Variants in PABPC4L observed in about 807,000 individuals in gnomAD.
PABPC4L encodes polyadenylate-binding protein 4-like.
For missense variants in PABPC4L, 452 were observed against 451.4 expected (o/e 1.00, Z -0.01); for synonymous variants, 169 against 164.1 (o/e 1.03, Z -0.23).
At chr4:134,186,873 G>C in the PABPC4L span, among the ~76,000 whole-genome samples, 2 of 152,052 alleles carry the variant, frequency 1.3e-5, no homozygotes, top group African/African-American at 4.8e-5. Flanking sequence ...CCATCAAAAA[G>C]TGGGCAAAGG....
At chr4:133,986,060 T>G in the PABPC4L span, among the ~76,000 whole-genome samples, 1 of 152,074 alleles carries the variant, frequency 6.6e-6, no homozygotes, top group East Asian at 1.9e-4. Flanking sequence ...TTATTAAATA[T>G]TTATTAGTCA....
the PABPC4L span, among the ~76,000 whole-genome samples, chr4:134,076,277 G>C: frequency 1.3e-5 from 2 of 152,268 alleles, no homozygotes; most frequent in Admixed American, 6.5e-5. Context: ...TTAGAAGAGA[G>C]GCTGGGTTAA....
At chr4:134,035,313 A>G in the PABPC4L span, among the ~76,000 whole-genome samples, 3 of 152,040 alleles carry the variant, frequency 2.0e-5, no homozygotes, top group African/African-American at 7.2e-5. Flanking sequence ...TATTAAATTT[A>G]TTGTGGTGGT....
the PABPC4L span, among the ~76,000 whole-genome samples, chr4:134,077,832 T>C: frequency 6.6e-6 from 1 of 152,186 alleles, no homozygotes; most frequent in Admixed American, 6.6e-5. Flanking sequence ...TTTCATCATG[T>C]TTGCAATTAT....
the PABPC4L span, among the ~76,000 whole-genome samples, chr4:134,151,031 C>T: frequency 6.6e-6 from 1 of 151,906 alleles, no homozygotes; most frequent in Admixed American, 6.6e-5. Context: ...GAAGTCAGAC[C>T]CAAATGAATA....
At chr4:133,970,371 C>T in the PABPC4L span, among the ~76,000 whole-genome samples, 26 of 152,100 alleles carry the variant, frequency 1.7e-4, no homozygotes, top group Admixed American at 1.2e-3. Context: ...CATTCTATCC[C>T]TAAGCAATCT....
the PABPC4L span, among the ~76,000 whole-genome samples, chr4:134,088,306 T>A: frequency 2.0e-5 from 3 of 152,092 alleles, no homozygotes; most frequent in East Asian, 1.9e-4. Context: ...ACTCCAGGTA[T>A]CTCCAAGGGA....
the PABPC4L span, among the ~76,000 whole-genome samples, chr4:133,966,922 T>C: frequency 2.0e-5 from 3 of 152,102 alleles, no homozygotes; most frequent in African/African-American, 7.2e-5. Flanking sequence ...GGTGTTCCGG[T>C]GAAAGAAATG....
At chr4:134,142,559 C>A in the PABPC4L span, among the ~76,000 whole-genome samples, 1 of 151,200 alleles carries the variant, frequency 6.6e-6, no homozygotes, top group Non-Finnish European at 1.5e-5. Context: ...TATTCTATGC[C>A]TCATATAAAT....
the PABPC4L span, among the ~76,000 whole-genome samples, chr4:134,080,391 A>G: frequency 6.6e-6 from 1 of 152,154 alleles, no homozygotes; most frequent in African/African-American, 2.4e-5. Flanking sequence ...TTTATCCAGC[A>G]TTGATTTTTA....
the PABPC4L span, among the ~76,000 whole-genome samples, chr4:134,164,262 C>CAAA: frequency 4.5e-3 from 155 of 34,174 alleles, 8 homozygotes; most frequent in African/African-American, 5.1e-3. Context: ...GACTCCGTCT[C>CAAA]AAAAAAAAAA....
chr4:134,040,725 TG>T, the PABPC4L span, among the ~76,000 whole-genome samples: 1 of 152,152 alleles, frequency 6.6e-6, no homozygotes, highest in South Asian at 2.1e-4. Context: ...AATTGACAAA[TG>T]GGATCTCATT....
the PABPC4L span, among the ~76,000 whole-genome samples, chr4:134,120,065 A>G: frequency 6.6e-6 from 1 of 151,656 alleles, no homozygotes; most frequent in Non-Finnish European, 1.5e-5. Flanking sequence ...TTTCTGGTAC[A>G]TATATACATT....
At chr4:134,097,965 C>T in the PABPC4L span, among the ~76,000 whole-genome samples, 20 of 151,628 alleles carry the variant, frequency 1.3e-4, no homozygotes, top group Non-Finnish European at 2.7e-4. Flanking sequence ...TCTTGTTTAT[C>T]CTGATAGGGA....
the PABPC4L span, among the ~76,000 whole-genome samples, chr4:133,987,016 G>A: frequency 1.3e-5 from 2 of 152,116 alleles, no homozygotes; most frequent in Non-Finnish European, 2.9e-5. Context: ...GATTACAGCC[G>A]TGAACCACCG....
At chr4:134,167,427 TA>T in the PABPC4L span, among the ~76,000 whole-genome samples, 1,927 of 151,586 alleles carry the variant, frequency 0.013, 40 homozygotes, top group African/African-American at 0.041. Flanking sequence ...ATAATAATAA[TA>T]AATAAATAAT....
the PABPC4L span, among the ~76,000 whole-genome samples, chr4:134,110,856 T>C: frequency 6.6e-6 from 1 of 151,972 alleles, no homozygotes; most frequent in Non-Finnish European, 1.5e-5. Flanking sequence ...TCAGTTCGAA[T>C]ACAATTTTAT....
chr4:134,065,873 G>C, the PABPC4L span, among the ~76,000 whole-genome samples: 1 of 152,008 alleles, frequency 6.6e-6, no homozygotes, highest in African/African-American at 2.4e-5. Context: ...ATTGAACAGG[G>C]AGTCCTTTTC....
At chr4:134,195,013 A>G (rs1024904446), downstream of PABPC4L, among the ~76,000 whole-genome samples, 2 of 151,782 alleles carry the variant, frequency 1.3e-5, no homozygotes, top group Non-Finnish European at 3.0e-5. Context: ...GGATTACCAT[A>G]TAACTGATGG....
Sources: allele counts gnomAD v4.1 joint callset (sites outside exome capture counted in the v4.1 genomes callset), GRCh38; gene constraint gnomAD v4.1.1; transcripts MANE v1.5; gene names NCBI Gene and HGNC (gene_info 2026-07-23, HGNC 2026-07-21).